PALM2AKAP2: variants seen among roughly 807,000 people sequenced by gnomAD.
The protein encoded by PALM2AKAP2 is PALM2 and AKAP2 fusion, also known as PALM2-AKAP2 fusion protein.
A neutral mutation model predicts 71.5 loss-of-function variants in PALM2AKAP2; 37 were observed. The ratio of observed to expected loss-of-function variants is 0.52; its 90% CI spans 0.40 to 0.68. The LOEUF is 0.68. PALM2AKAP2 is among the 30% of genes least tolerant of loss of function. The pLI is 0.00. For missense variants in PALM2AKAP2, 1,224 were observed against 1,191.8 expected (o/e 1.03, Z -0.40); for synonymous variants, 468 against 478.8 (o/e 0.98, Z 0.29).
At chr9:109,719,930 G>A (rs191930319) in intron 1 of PALM2AKAP2, among the ~76,000 whole-genome samples, 54 of 152,246 alleles carry the variant, frequency 3.5e-4, no homozygotes, top group African/African-American at 1.3e-3. Flanking sequence ...CTAGAATGGA[G>A]AGTGACATGT....
In PALM2AKAP2 at chr9:109,871,641, A is replaced by G. The variant is rs139200752; in HGVS notation, c.126+4070A>G. Among the ~76,000 whole-genome samples, 1,342 of 152,330 alleles carry G rather than the reference A, an allele frequency of 8.8e-3. 68 individuals are homozygous for G. Among genetic ancestry groups the G allele is most frequent in the Admixed American group, 0.081 (1,239 of 15,298 alleles). ...TTTCCCCGATATATTTCTGTAGATT[A>G]AGATATGTAACCATCATTCACAGGG... On this transcript the variant is annotated intron_variant, in intron 2 of 9. Coordinates refer to the PALM2AKAP2 transcript ENST00000302798.
intron 1 of PALM2AKAP2, among the ~76,000 whole-genome samples, chr9:110,085,203 A>G (rs1258088389): frequency 6.6e-6 from 1 of 152,210 alleles, no homozygotes; most frequent in Non-Finnish European, 1.5e-5. Flanking sequence ...TTTCTGTACT[A>G]TTAGGCGCTT....
At chr9:109,871,110 T>C (rs1251241690) in intron 2 of PALM2AKAP2, among the ~76,000 whole-genome samples, 1 of 152,210 alleles carries the variant, frequency 6.6e-6, no homozygotes, top group African/African-American at 2.4e-5. Flanking sequence ...CAGATTCACC[T>C]GTCTGTGGTC....
intron 3 of PALM2AKAP2, among the ~76,000 whole-genome samples, chr9:109,908,363 G>A (rs932311797): frequency 2.7e-4 from 41 of 152,192 alleles, no homozygotes; most frequent in African/African-American, 9.4e-4. Flanking sequence ...TCTTAGGCAG[G>A]ACACACTGCA....
At chr9:109,985,512 C>T (rs1348097142) in intron 6 of PALM2AKAP2, among the ~76,000 whole-genome samples, 1 of 149,808 alleles carries the variant, frequency 6.7e-6, no homozygotes, top group African/African-American at 2.5e-5. Context: ...CCCAGCTACT[C>T]GGGAGGCTGA....
intron 2 of PALM2AKAP2, among the ~76,000 whole-genome samples, chr9:110,151,114 G>A (rs1229183572): frequency 3.3e-5 from 5 of 152,254 alleles, no homozygotes; most frequent in Non-Finnish European, 5.9e-5. Flanking sequence ...CTGGAAGCTG[G>A]TTAACTACTG....
At chr9:109,791,946 C>T (rs772559452) in intron 1 of PALM2AKAP2, among the ~76,000 whole-genome samples, 1 of 152,268 alleles carries the variant, frequency 6.6e-6, no homozygotes, top group East Asian at 1.9e-4. Context: ...TGTTCCCTGT[C>T]TCAATGACCC....
intron 1 of PALM2AKAP2, among the ~76,000 whole-genome samples, chr9:109,771,768 G>T (rs993783008): frequency 2.0e-5 from 3 of 152,176 alleles, no homozygotes; most frequent in African/African-American, 7.2e-5. Context: ...TGAGTGGGAA[G>T]AAAGAAAATC....
chr9:109,689,490 G>A (rs1221939249), intron 1 of PALM2AKAP2, among the ~76,000 whole-genome samples: 3 of 152,100 alleles, frequency 2.0e-5, no homozygotes, highest in Non-Finnish European at 4.4e-5. Context: ...GTGAGCCACT[G>A]CTCCTGGCCA....
intron 1 of PALM2AKAP2, among the ~76,000 whole-genome samples, chr9:110,074,832 G>C (rs574137129): frequency 6.6e-6 from 1 of 151,770 alleles, no homozygotes; most frequent in Non-Finnish European, 1.5e-5. Context: ...GTGAAACCCC[G>C]TCTCTACTAG....
chr9:110,108,364 C>T (rs7038492), intron 1 of PALM2AKAP2, among the ~76,000 whole-genome samples: 84,083 of 151,896 alleles, frequency 0.55, 23,929 homozygotes, highest in African/African-American at 0.68. Flanking sequence ...CCACCTGCCT[C>T]GGTCTCCCAA....
At chr9:109,778,042 T>G (rs1298144957), upstream of PALM2AKAP2, among the ~76,000 whole-genome samples, 10 of 152,212 alleles carry the variant, frequency 6.6e-5, no homozygotes, top group African/African-American at 2.2e-4. Context: ...TTTTAAAAAT[T>G]TATTGCGGTT....
At chr9:109,712,485 A>C (rs1828257346) in intron 1 of PALM2AKAP2, among the ~76,000 whole-genome samples, 1 of 152,216 alleles carries the variant, frequency 6.6e-6, no homozygotes, top group Non-Finnish European at 1.5e-5. Context: ...TGTTTTTTCC[A>C]ATAATTCAAC....
chr9:109,681,504 G>A (rs1385761741), intron 1 of PALM2AKAP2, among the ~76,000 whole-genome samples: 1 of 152,186 alleles, frequency 6.6e-6, no homozygotes, highest in Non-Finnish European at 1.5e-5. Flanking sequence ...AGATGAAAAG[G>A]ATTCCTGCCT....
intron 1 of PALM2AKAP2, among the ~76,000 whole-genome samples, chr9:110,082,258 G>A (rs12236978): frequency 0.12 from 17,491 of 152,008 alleles, 1,061 homozygotes; most frequent in Middle Eastern, 0.22. Flanking sequence ...GTTTCACCAT[G>A]TTGGCCAGGC....
chr9:110,077,662 T>C (rs953218946), intron 1 of PALM2AKAP2, among the ~76,000 whole-genome samples: 1 of 152,158 alleles, frequency 6.6e-6, no homozygotes, highest in Non-Finnish European at 1.5e-5. Context: ...CTCCTACAGA[T>C]ACATCTTGAT....
chr9:110,168,088 C>T (rs1836779471), intron 3 of PALM2AKAP2, among the ~76,000 whole-genome samples: 1 of 152,216 alleles, frequency 6.6e-6, no homozygotes, highest in South Asian at 2.1e-4. Flanking sequence ...GTGTAGGGAT[C>T]TGCTTTATCT....
At chr9:110,095,607 A>C (rs1834817769) in intron 1 of PALM2AKAP2, among the ~76,000 whole-genome samples, 1 of 152,110 alleles carries the variant, frequency 6.6e-6, no homozygotes, top group East Asian at 1.9e-4. Context: ...AAGCATAAGA[A>C]TTGCCTTTTT....
chr9:110,078,991 C>A (rs187347360), intron 1 of PALM2AKAP2, among the ~76,000 whole-genome samples: 47 of 152,300 alleles, frequency 3.1e-4, no homozygotes, highest in African/African-American at 1.1e-3. Flanking sequence ...TTTGAAATAT[C>A]GCCCTGGGCC....
Sources: allele counts gnomAD v4.1 joint callset (sites outside exome capture counted in the v4.1 genomes callset), GRCh38; gene constraint gnomAD v4.1.1; transcripts MANE v1.5; gene names NCBI Gene and HGNC (gene_info 2026-07-23, HGNC 2026-07-21).